The following HDAC9 variants were observed in gnomAD, a reference collection of about 807,000 sequenced individuals.
HDAC9 encodes MEF-2 interacting transcription repressor (MITR) protein.
HDAC9 carries 41 observed loss-of-function variants against 139.4 expected under a neutral mutation model. The observed-to-expected ratio is 0.29, with a 90% CI of 0.23 to 0.38. The LOEUF (loss-of-function observed/expected upper bound fraction) is 0.38. HDAC9 is among the 10% of genes least tolerant of loss of function. The pLI is 1.00. For synonymous variants in HDAC9, 517 were observed against 476.2 expected (o/e 1.09, Z -1.12); for missense variants, 1,147 against 1,297.0 (o/e 0.88, Z 1.78).
chr7:18,959,978 T>A (rs988925433), intron 24 of HDAC9, among the ~76,000 whole-genome samples: 2 of 149,972 alleles, frequency 1.3e-5, no homozygotes, highest in African/African-American at 2.5e-5. Flanking sequence ...TATATAAAAT[T>A]TGTGAGTATA....
At chr7:18,753,904 T>G (rs1193869738) in intron 14 of HDAC9, among the ~76,000 whole-genome samples, 1 of 152,042 alleles carries the variant, frequency 6.6e-6, no homozygotes, top group African/African-American at 2.4e-5. Context: ...TGTTAAGCAG[T>G]TCTTTTGGAA....
At chr7:18,824,062 A>AGAG (rs1562966447) in intron 17 of HDAC9, among the ~76,000 whole-genome samples, 4 of 147,244 alleles carry the variant, frequency 2.7e-5, no homozygotes, top group African/African-American at 1.0e-4. Context: ...AAGAAGAAGA[A>AGAG]GAAGAAGAAG....
At chr7:18,827,088 A>T (rs980003496) in intron 17 of HDAC9, among the ~76,000 whole-genome samples, 1 of 149,654 alleles carries the variant, frequency 6.7e-6, no homozygotes. Flanking sequence ...CCTCGTCTCA[A>T]AAAAAAACTA....
At chr7:18,486,956 G>T (rs1439430366) in intron 1 of HDAC9, among the ~76,000 whole-genome samples, 1 of 152,062 alleles carries the variant, frequency 6.6e-6, no homozygotes, top group Non-Finnish European at 1.5e-5. Flanking sequence ...CAACCAACAT[G>T]TGGCTTTGCC....
intron 1 of HDAC9, among the ~76,000 whole-genome samples, chr7:18,403,422 T>G (rs1787723538): frequency 6.6e-6 from 1 of 152,220 alleles, no homozygotes; most frequent in African/African-American, 2.4e-5. Context: ...TCCATATTTC[T>G]TTCTATCATA....
chr7:18,102,628 C>T (rs1243783133), intron 1 of HDAC9, among the ~76,000 whole-genome samples: 4 of 152,142 alleles, frequency 2.6e-5, no homozygotes, highest in Non-Finnish European at 4.4e-5. Flanking sequence ...TAGTTGTCTC[C>T]TAGTCTCTCT....
intron 2 of HDAC9, among the ~76,000 whole-genome samples, chr7:18,256,471 T>C (rs1437091442): frequency 6.6e-6 from 1 of 152,164 alleles, no homozygotes; most frequent in Non-Finnish European, 1.5e-5. Context: ...TGGTGTATTA[T>C]CAAGGAGCTT....
At chr7:18,458,272 G>C (rs1793526137) in intron 1 of HDAC9, among the ~76,000 whole-genome samples, 1 of 152,166 alleles carries the variant, frequency 6.6e-6, no homozygotes, top group Non-Finnish European at 1.5e-5. Flanking sequence ...GAACTAGGCA[G>C]CATTATATCT....
chr7:18,389,044 G>A (rs574495249), intron 1 of HDAC9, among the ~76,000 whole-genome samples: 1 of 152,250 alleles, frequency 6.6e-6, no homozygotes, highest in African/African-American at 2.4e-5. Flanking sequence ...TGAAGCTGCA[G>A]TTTCACTAGG....
At chr7:18,634,536 A>C (rs1237161983) in intron 7 of HDAC9, 91 bp from the exon 8 acceptor site, 3 of 766,156 alleles carry the variant, frequency 3.9e-6, no homozygotes, top group Non-Finnish European at 6.3e-6. Flanking sequence ...ATAGGGGGAA[A>C]ATAACATGCC....
Position 18,674,698 on chromosome 7 carries a change from A to G in HDAC9, c.1731+8222A>G, listed in dbSNP as rs185995537. ...GGTTAAAGGCATTTTCTTCCATACT[A>G]TGATTTTATTCTCACTTTTATTTTC... On this transcript the variant is annotated intron_variant, in intron 12 of 25. Transcript: ENST00000686413. Among the ~76,000 whole-genome samples, 7 of 152,020 alleles carry G rather than the reference A, an allele frequency of 4.6e-5. No homozygotes were observed. The South Asian group carries it at 1.2e-3, about 27-fold the overall frequency.
intron 1 of HDAC9, among the ~76,000 whole-genome samples, chr7:18,091,062 T>C (rs952670183): frequency 4.6e-5 from 7 of 152,232 alleles, no homozygotes; most frequent in African/African-American, 1.4e-4. Context: ...CTGTAGATAA[T>C]GGTAATATGT....
intron 2 of HDAC9, among the ~76,000 whole-genome samples, chr7:18,222,552 A>C (rs1792778526): frequency 6.6e-6 from 1 of 152,176 alleles, no homozygotes; most frequent in Non-Finnish European, 1.5e-5. Flanking sequence ...GACAGTATAC[A>C]TTAAAAAGTG....
chr7:18,913,439 T>G (rs1802912368), intron 22 of HDAC9, among the ~76,000 whole-genome samples: 1 of 152,130 alleles, frequency 6.6e-6, no homozygotes, highest in Non-Finnish European at 1.5e-5. Context: ...GTACCTCCCT[T>G]CTAGACATTT....
intron 2 of HDAC9, among the ~76,000 whole-genome samples, chr7:18,263,328 A>G (rs560832700): frequency 1.3e-5 from 2 of 152,316 alleles, no homozygotes; most frequent in South Asian, 2.1e-4. Context: ...CAATTTTCTC[A>G]TAATCTCTTC....
At chr7:18,819,287 T>A (rs1329158671) in intron 17 of HDAC9, among the ~76,000 whole-genome samples, 2 of 152,014 alleles carry the variant, frequency 1.3e-5, no homozygotes, top group African/African-American at 4.8e-5. Context: ...CTAAAAATAA[T>A]AATAATAATA....
chr7:18,714,788 G>T (rs2066840535), intron 12 of HDAC9, among the ~76,000 whole-genome samples: 1 of 152,064 alleles, frequency 6.6e-6, no homozygotes, highest in Admixed American at 6.6e-5. Flanking sequence ...GTGAATATTT[G>T]TCTCCCTCAC....
At chr7:18,991,328 T>G (rs1785921831) in intron 25 of HDAC9, among the ~76,000 whole-genome samples, 1 of 152,204 alleles carries the variant, frequency 6.6e-6, no homozygotes, top group South Asian at 2.1e-4. Context: ...AAAATCAGTT[T>G]GTGAATACTG....
At chr7:18,896,156 A>C (rs929556709) in intron 22 of HDAC9, among the ~76,000 whole-genome samples, 1 of 152,054 alleles carries the variant, frequency 6.6e-6, no homozygotes, top group African/African-American at 2.4e-5. Context: ...TTTAAATGTA[A>C]ATTTTATTTT....
Sources: gnomAD v4.1 joint callset for allele counts (sites outside exome capture counted in the v4.1 genomes callset) on GRCh38, gnomAD v4.1.1 for gene constraint, MANE v1.5 for transcripts, NCBI Gene and HGNC (gene_info 2026-07-23, HGNC 2026-07-21) for gene names.